The following MYO16 variants were observed in gnomAD, a reference collection of about 807,000 sequenced individuals.
MYO16 encodes myosin XVI, also known as unconventional myosin-XVI.
In MYO16, 94 loss-of-function variants were observed where a neutral mutation model predicts 205.3. That is an observed-to-expected ratio of 0.46 (90% confidence interval 0.39 to 0.54). The LOEUF (loss-of-function observed/expected upper bound fraction) is 0.54. Ranked by LOEUF, MYO16 falls within the 20% of genes least tolerant of loss-of-function variation. MYO16 has a pLI of 0.00. For missense variants in MYO16, 2,315 were observed against 2,387.5 expected (o/e 0.97, Z 0.63); for synonymous variants, 988 against 954.0 (o/e 1.04, Z -0.66).
rs532663286 is a variant in MYO16, at chr13:109,007,192, A to T, written c.2443-1705A>T. Among the ~76,000 whole-genome samples the T allele has an allele frequency of 2.3e-4, 35 of 152,110 alleles. No individual in the cohort carries two copies. The South Asian group carries it at 5.6e-3, about 24-fold the overall frequency. On this transcript the variant is annotated intron_variant, in intron 21 of 34. Transcript: ENST00000457511. ...TCACGAGGTCAGGAGATCTAGACCA[A>T]CCTGTCTAACATGGTGAAACCCCAT...
chr13:108,543,416 G>C, the MYO16 span, among the ~76,000 whole-genome samples: 1 of 151,946 alleles, frequency 6.6e-6, no homozygotes, highest in Non-Finnish European at 1.5e-5. Context: ...AGGCCGAGGC[G>C]GATGGATCAC....
intron 1 of MYO16, 33 bp downstream of exon 1, chr13:108,629,905 A>G (rs1451222435): frequency 6.6e-7 from 1 of 1,508,408 alleles, no homozygotes; most frequent in Non-Finnish European, 8.9e-7. Context: ...TCATGTGGTT[A>G]TTTGTCTTGT....
intron 31 of MYO16, among the ~76,000 whole-genome samples, chr13:109,128,836 A>G (rs907235280): frequency 6.0e-5 from 9 of 149,658 alleles, no homozygotes; most frequent in African/African-American, 1.7e-4. Flanking sequence ...CAATGGCACA[A>G]TCTCAGCTCA....
At chr13:108,853,961 T>G (rs1322126967) in intron 10 of MYO16, among the ~76,000 whole-genome samples, 39 of 110,020 alleles carry the variant, frequency 3.5e-4, no homozygotes, top group African/African-American at 1.6e-3. Context: ...TTATTGTGTG[T>G]GTGTGTGTGT....
intron 3 of MYO16, among the ~76,000 whole-genome samples, chr13:108,725,205 G>A (rs1344764873): frequency 4.6e-5 from 7 of 151,976 alleles, no homozygotes; most frequent in Non-Finnish European, 1.0e-4. Flanking sequence ...TGAACATAGG[G>A]AATATAGTTA....
rs1057078915 is a variant in MYO16 at position 108,819,332 on chromosome 13, C to T, written c.868-1005C>T. On this transcript the variant is annotated intron_variant, in intron 7 of 34. Coordinates refer to ENST00000457511, the MANE Select transcript of MYO16 (RefSeq NM_001198950.3). ...CAAGTCTGATGACTCAAAAATTTCG[C>T]GGTAAGCCATGAAAACAAGGCCCGC... Among the ~76,000 whole-genome samples, 4 of 152,018 alleles carry T rather than the reference C, an allele frequency of 2.6e-5. No individual in the cohort carries two copies. The East Asian group carries it at 7.7e-4, about 29-fold the overall frequency.
chr13:108,836,429 A>T (rs1876921288), intron 9 of MYO16, among the ~76,000 whole-genome samples: 1 of 152,214 alleles, frequency 6.6e-6, no homozygotes, highest in Admixed American at 6.5e-5. Context: ...TGGAAGGGAA[A>T]TGTGGGGTTG....
chr13:108,867,487 C>A (rs1025202189), intron 12 of MYO16, among the ~76,000 whole-genome samples: 1 of 152,140 alleles, frequency 6.6e-6, no homozygotes, highest in Non-Finnish European at 1.5e-5. Context: ...TCACCCTGTG[C>A]AATCTAAGGG....
chr13:108,872,147 A>G (rs1004737020), intron 12 of MYO16, among the ~76,000 whole-genome samples: 11 of 152,202 alleles, frequency 7.2e-5, no homozygotes, highest in South Asian at 2.1e-4. Flanking sequence ...TAAAGTTACT[A>G]TTGATAATAT....
At chr13:108,598,203 C>T (rs772078989) in intron 1 of MYO16, among the ~76,000 whole-genome samples, 5 of 152,144 alleles carry the variant, frequency 3.3e-5, no homozygotes, top group Admixed American at 1.3e-4. Context: ...TGCAACAGGG[C>T]ACAGAATGAA....
intron 1 of MYO16, among the ~76,000 whole-genome samples, chr13:108,636,753 A>G (rs1348602893): frequency 6.6e-6 from 1 of 152,156 alleles, no homozygotes; most frequent in Non-Finnish European, 1.5e-5. Flanking sequence ...ATGTATTATA[A>G]TAAGATCTAG....
chr13:108,786,885 GCTCA>G (rs1886473900), intron 5 of MYO16, among the ~76,000 whole-genome samples: 1 of 152,160 alleles, frequency 6.6e-6, no homozygotes, highest in Admixed American at 6.5e-5. Context: ...CTGTGGGAAC[GCTCA>G]CTCACTTTCT....
At chr13:109,100,580 G>A (rs75728792) in intron 27 of MYO16, among the ~76,000 whole-genome samples, 668 of 152,274 alleles carry the variant, frequency 4.4e-3, no homozygotes, top group African/African-American at 0.014. Context: ...TATTTGACGC[G>A]TTGTAAAAAC....
At position 109,125,036 on chromosome 13, in the gene MYO16, A is replaced by G; in HGVS notation, c.3536-76A>G. On this transcript the variant is annotated intron_variant, in intron 29 of 34. Transcript: ENST00000457511. This position sits in a 1 kb window ranked among gnomAD's most constrained non-coding sequence, Gnocchi z 4.0. ...TCTACAACTGCTCAGAGATAAGTATATTATGATTTTTGTTTGTGCATGTCT... is the reference window on the plus strand; with the variant it reads ...TCTACAACTGCTCAGAGATAAGTATGTTATGATTTTTGTTTGTGCATGTCT... The G allele has an allele frequency of 6.9e-7, 1 of 1,457,588 alleles. No homozygotes were observed. Among genetic ancestry groups the G allele is most frequent in the Non-Finnish European group, 9.4e-7 (1 of 1,060,078 alleles). 90.3% of individuals were successfully genotyped at this position (1,457,588 alleles called of 1,614,324 possible). A position where few individuals can be genotyped will look rare whatever the true frequency, so the allele number is the denominator to read the frequency against.
intron 12 of MYO16, among the ~76,000 whole-genome samples, chr13:108,871,010 T>C (rs186250843): frequency 1.3e-5 from 2 of 152,292 alleles, no homozygotes; most frequent in Non-Finnish European, 2.9e-5. Flanking sequence ...AGAAAGTCTG[T>C]AGAAATATAA....
chr13:108,915,763 G>A, intron 16 of MYO16, among the ~76,000 whole-genome samples: 1 of 152,162 alleles, frequency 6.6e-6, no homozygotes, highest in Non-Finnish European at 1.5e-5. Context: ...TTGTGGTGCT[G>A]CAGGATAACA....
chr13:109,157,976 G>A (rs1878157316), intron 32 of MYO16, among the ~76,000 whole-genome samples: 1 of 152,108 alleles, frequency 6.6e-6, no homozygotes, highest in South Asian at 2.1e-4. Context: ...ATTTCTTTAA[G>A]TTCTAAAGTA....
Position 108,727,559 on chromosome 13 carries a change from T to C in MYO16, c.483T>C (p.Pro161=), listed in dbSNP as rs780940972. 6.2e-7 allele frequency: 1 copy of C among 1,613,298 alleles called. No homozygotes were observed. The change falls in exon 4 of 35, where the codon CCT becomes CCC. Residue 161 remains proline (P), a synonymous_variant. Transcript: ENST00000457511. ...ACATTGCCTGTGCCTGCGATAACCC[T>C]GATATTGTCCTGCTTCTTGTATTAG... ...PMHIACACDN[P]DIVLLLVLAG...
At chr13:108,600,801 C>A (rs1381861016) in intron 1 of MYO16, among the ~76,000 whole-genome samples, 1 of 152,124 alleles carries the variant, frequency 6.6e-6, no homozygotes, top group Non-Finnish European at 1.5e-5. Flanking sequence ...CCTAACAGAC[C>A]TGTTAGTGAT....
Sources: allele counts gnomAD v4.1 joint callset (sites outside exome capture counted in the v4.1 genomes callset), GRCh38; gene constraint gnomAD v4.1.1; non-coding constraint Gnocchi (gnomAD v3.1); transcripts MANE v1.5; gene names NCBI Gene and HGNC (gene_info 2026-07-23, HGNC 2026-07-21).